The following DNAJC15 variants were observed in gnomAD, a reference collection of about 807,000 sequenced individuals.
The protein encoded by DNAJC15 is dnaJ homolog subfamily C member 15.
In DNAJC15, 27 loss-of-function variants were observed where a neutral mutation model predicts 22.4. That is an observed-to-expected ratio of 1.20 (90% CI 0.89 to 1.66). The LOEUF is 1.66. Among genes scored for constraint, DNAJC15 ranks in the 40% most tolerant of loss-of-function variants. DNAJC15 has a pLI of 0.00. For missense variants in DNAJC15, 208 were observed against 187.1 expected (o/e 1.11, Z -0.65); for synonymous variants, 79 against 63.2 (o/e 1.25, Z -1.19).
chr13:43,041,568 A>G (rs1037019669), intron 1 of DNAJC15, among the ~76,000 whole-genome samples: 6 of 152,222 alleles, frequency 3.9e-5, no homozygotes, highest in African/African-American at 1.4e-4. Context: ...CACATTGACT[A>G]GATTGCAGTA....
intron 1 of DNAJC15, among the ~76,000 whole-genome samples, chr13:43,047,185 A>G (rs1047559327): frequency 1.3e-5 from 2 of 152,218 alleles, no homozygotes; most frequent in African/African-American, 2.4e-5. Flanking sequence ...TCATGTCATT[A>G]TACAAACTTT....
chr13:43,103,752 T>C (rs1438094511), intron 5 of DNAJC15, among the ~76,000 whole-genome samples: 1 of 152,230 alleles, frequency 6.6e-6, no homozygotes, highest in African/African-American at 2.4e-5. Context: ...CTCACTAAAA[T>C]TGTAGATTTG....
rs760829277 is a variant in DNAJC15 at position 43,078,701 on chromosome 13, CA to C, written c.311+14del. On this transcript the variant is annotated intron_variant, in intron 4 of 5. Coordinates refer to ENST00000379221, the MANE Select transcript of DNAJC15 (RefSeq NM_013238.3). ...TTTTAGGTGTAAGGTAGGTGTGCAG[CA>C]TAAGTATTGTTTTGTTGTGTGGCCA... 5 of 1,609,970 alleles carry C rather than the reference CA, an allele frequency of 3.1e-6. No individual in the cohort carries two copies. The highest frequency in any genetic ancestry group is 4.2e-6 in the Non-Finnish European group (5 of 1,177,256).
At chr13:43,035,086 G>C (rs2040423355) in intron 1 of DNAJC15, among the ~76,000 whole-genome samples, 1 of 152,054 alleles carries the variant, frequency 6.6e-6, no homozygotes, top group African/African-American at 2.4e-5. Flanking sequence ...CCTTGTCTTG[G>C]TACACGTGGC....
At chr13:43,101,359 A>G (rs1454535161) in intron 5 of DNAJC15, among the ~76,000 whole-genome samples, 2 of 152,196 alleles carry the variant, frequency 1.3e-5, no homozygotes, top group Non-Finnish European at 2.9e-5. Context: ...CCGGTGCGAC[A>G]GCCTTTGCCT....
Position 43,107,393 on chromosome 13 carries a change from T to C in DNAJC15, c.*145T>C. 1.9e-6 allele frequency: 1 copy of C among 519,538 alleles called. No homozygotes were observed. Among genetic ancestry groups the C allele is most frequent in the East Asian group, 3.5e-5 (1 of 28,236 alleles). The allele number at this position is 519,538 out of a possible 1,614,324, so 32.2% of individuals were successfully genotyped here. On this transcript the variant is annotated 3_prime_UTR_variant, in exon 6 of 6. Transcript: ENST00000379221. ...CTTCCACCATTAAGCTGTATAACAA[T>C]AAAATGTTAATAGTCTTGCTTTTTA...
In DNAJC15 at chr13:43,090,744, G is replaced by A. The variant is rs562030297; in HGVS notation, c.382+4906G>A. Reference sequence around the variant, plus strand: ...TTTTTTTGAGATAGAGTCTTGCTCCGTTGCCCAGGCTGGAGTGCAGTGTTG... The same window carrying A: ...TTTTTTTGAGATAGAGTCTTGCTCCATTGCCCAGGCTGGAGTGCAGTGTTG... On this transcript the variant is annotated intron_variant, in intron 5 of 5. Transcript: ENST00000379221. Among the ~76,000 whole-genome samples the A allele has an allele frequency of 3.6e-4, 51 of 141,876 alleles. No individual in the cohort carries two copies. In the South Asian group the frequency reaches 4.4e-3, roughly 12 times the overall value. The allele number at this position is 141,876 out of a possible 152,430, so 93.1% of individuals were successfully genotyped here.
At chr13:43,039,080 G>A (rs1394845733) in intron 1 of DNAJC15, among the ~76,000 whole-genome samples, 1 of 152,162 alleles carries the variant, frequency 6.6e-6, no homozygotes, top group Admixed American at 6.5e-5. Context: ...TCCATTAAAG[G>A]TAATGTGAGA....
chr13:43,034,290 T>C (rs1362490537), intron 1 of DNAJC15, among the ~76,000 whole-genome samples: 2 of 148,302 alleles, frequency 1.3e-5, no homozygotes, highest in South Asian at 4.3e-4. Flanking sequence ...AATTCTTCTG[T>C]ATGGGAGATT....
rs5803165 is a variant in DNAJC15 at position 43,090,709 on chromosome 13, C to CTT, written c.382+4886_382+4887dup. ...TGTGTAAGATTAGTCTTCTTTCTTTCTTTTTTTTTTTTTTTTGAGATAGAG... is the reference window on the plus strand; with the variant it reads ...TGTGTAAGATTAGTCTTCTTTCTTTCTTTTTTTTTTTTTTTTTTGAGATAGAG... On this transcript the variant is annotated intron_variant, in intron 5 of 5. Coordinates refer to ENST00000379221, the MANE Select transcript of DNAJC15 (RefSeq NM_013238.3). Among the ~76,000 whole-genome samples the CTT allele has an allele frequency of 6.1e-4, 85 of 139,538 alleles. No homozygotes were observed. In the South Asian group the frequency reaches 8.3e-3, roughly 14 times the overall value. 91.5% of individuals were successfully genotyped at this position (139,538 alleles called of 152,430 possible).
chr13:43,023,733 T>G lies in DNAJC15; in HGVS notation c.107T>G (p.Leu36Arg), dbSNP rs570454653. 1 of 1,605,712 alleles carries G rather than the reference T, an allele frequency of 6.2e-7. No homozygotes were observed. Among genetic ancestry groups the G allele is most frequent in the South Asian group, 1.1e-5 (1 of 89,896 alleles). The change falls in exon 1 of 6, where the codon CTG (leucine) becomes CGG (arginine). Residue 36 changes from leucine (L) to arginine (R), a missense_variant and splice_region_variant. Physicochemically the swap from Leu to Arg is moderately radical, Grantham distance 102. Transcript: ENST00000379221. ...RPDADVDQQR[L>R]VRSLIAVGLG... ...GACGCCGACGTCGACCAGCAGAGAC[T>G]GGTGAGTCCTGCCAGCGGCCCCCAC...
At chr13:43,059,667 G>A (rs2040548649) in intron 1 of DNAJC15, among the ~76,000 whole-genome samples, 1 of 152,236 alleles carries the variant, frequency 6.6e-6, no homozygotes, top group Admixed American at 6.5e-5. Flanking sequence ...TTTTTGTGAT[G>A]TTTGTGTCTC....
intron 1 of DNAJC15, among the ~76,000 whole-genome samples, chr13:43,048,325 CAAA>C (rs766125510): frequency 2.3e-5 from 3 of 130,342 alleles, no homozygotes; most frequent in South Asian, 2.4e-4. Flanking sequence ...ACTAAAAATA[CAAA>C]AAAAAAAAAA....
At chr13:43,027,226 TCTTA>T (rs1243752009) in intron 1 of DNAJC15, among the ~76,000 whole-genome samples, 5 of 152,184 alleles carry the variant, frequency 3.3e-5, no homozygotes, top group Admixed American at 1.3e-4. Flanking sequence ...AAACTGTAAC[TCTTA>T]CTTTTATTTT....
intron 1 of DNAJC15, among the ~76,000 whole-genome samples, chr13:43,048,992 A>G (rs375287406): frequency 1.0e-5 from 1 of 96,800 alleles, no homozygotes; most frequent in Non-Finnish European, 3.0e-5. Flanking sequence ...AAAGCCTCAT[A>G]TGGCATCCAT....
Position 43,085,790 on chromosome 13 carries a change from A to T in DNAJC15, c.334A>T (p.Ile112Phe). 6.2e-7 allele frequency: 1 copy of T among 1,613,588 alleles called. No homozygotes were observed. Among genetic ancestry groups the T allele is most frequent in the Middle Eastern group, 1.7e-4 (1 of 6,058 alleles). ...CAGCCCATCTGCTGGCAAGGCTAAG[A>T]TTAGAACAGCTCATAGGAGAGTCAT... is the stretch of plus-strand genomic sequence containing the variant. ...GVSPSAGKAK[I>F]RTAHRRVMIL... Residue 112 changes from isoleucine (I) to phenylalanine (F), a missense_variant, in exon 5 of 6, where the codon ATT becomes TTT. Ile to Phe is a conservative substitution (Grantham distance 21). Transcript: ENST00000379221.
intron 1 of DNAJC15, among the ~76,000 whole-genome samples, chr13:43,041,242 G>A (rs1318798249): frequency 6.6e-6 from 1 of 152,124 alleles, no homozygotes; most frequent in Non-Finnish European, 1.5e-5. Flanking sequence ...ATTAGGGAGT[G>A]GTGATGACTC....
At chr13:43,104,306 A>G (rs1281333282) in intron 5 of DNAJC15, among the ~76,000 whole-genome samples, 2 of 152,300 alleles carry the variant, frequency 1.3e-5, no homozygotes, top group African/African-American at 2.4e-5. Context: ...ATAGTATTAT[A>G]TACTCTTCTG....
chr13:43,065,473 G>T (rs1019880842), intron 1 of DNAJC15, among the ~76,000 whole-genome samples: 1 of 152,122 alleles, frequency 6.6e-6, no homozygotes, highest in Admixed American at 6.5e-5. Flanking sequence ...GAAATTAAAT[G>T]AAAATCTAGA....
Sources: gnomAD v4.1 joint callset for allele counts (sites outside exome capture counted in the v4.1 genomes callset) on GRCh38, gnomAD v4.1.1 for gene constraint, MANE v1.5 for transcripts, NCBI Gene and HGNC (gene_info 2026-07-23, HGNC 2026-07-21) for gene names.